Variants in UBE3C observed in about 807,000 individuals in gnomAD.
UBE3C encodes ubiquitin-protein ligase E3C.
A neutral mutation model predicts 129.4 loss-of-function variants in UBE3C; 42 were observed. That is an observed-to-expected ratio of 0.32 (90% CI 0.25 to 0.42). The LOEUF (loss-of-function observed/expected upper bound fraction) is 0.42. UBE3C is among the 10% of genes least tolerant of loss of function. The probability of loss-of-function intolerance (pLI) is 1.00; values close to 1 mark genes in which losing one functional copy is unlikely to be tolerated. For missense variants in UBE3C, 1,049 were observed against 1,319.1 expected (o/e 0.80, Z 3.17); for synonymous variants, 510 against 492.4 (o/e 1.04, Z -0.47).
intron 1 of UBE3C, among the ~76,000 whole-genome samples, chr7:157,159,926 A>C (rs1808022955): frequency 6.6e-6 from 1 of 152,212 alleles, no homozygotes; most frequent in Non-Finnish European, 1.5e-5. Flanking sequence ...AATAGAGCCT[A>C]ATCTTCCTCT....
chr7:157,252,072 G>A (rs571103244), intron 19 of UBE3C, among the ~76,000 whole-genome samples: 253 of 152,182 alleles, frequency 1.7e-3, no homozygotes, highest in Admixed American at 3.1e-3. Flanking sequence ...GATGGTGGAG[G>A]TTGCACTGAG....
chr7:157,219,991 G>T (rs976343007), intron 14 of UBE3C, among the ~76,000 whole-genome samples: 7 of 152,040 alleles, frequency 4.6e-5, no homozygotes, highest in African/African-American at 1.4e-4. Flanking sequence ...CAGGTGGCTT[G>T]CTTAAGCTCA....
chr7:157,192,397 G>GA, intron 10 of UBE3C: 1 of 702,208 alleles, frequency 1.4e-6, no homozygotes, highest in Middle Eastern at 4.0e-4. Flanking sequence ...CCCTTACGGG[G>GA]AAGACCATCA....
chr7:157,154,400 T>A (rs1807846339), intron 1 of UBE3C, among the ~76,000 whole-genome samples: 1 of 152,170 alleles, frequency 6.6e-6, no homozygotes, highest in Admixed American at 6.5e-5. Flanking sequence ...TTCCCACCAT[T>A]ATTTTCTCAG....
At chr7:157,235,796 C>G (rs1226988554) in intron 18 of UBE3C, among the ~76,000 whole-genome samples, 2 of 152,150 alleles carry the variant, frequency 1.3e-5, no homozygotes, top group Non-Finnish European at 2.9e-5. Flanking sequence ...TGTGGAAATT[C>G]CTAAGGGGTT....
At chr7:157,217,302 T>C (rs1410117398) in intron 14 of UBE3C, 2 of 171,096 alleles carry the variant, frequency 1.2e-5, no homozygotes, top group African/African-American at 4.8e-5. Flanking sequence ...AAGAGATAGA[T>C]CTTATACCTA....
rs77339024 is a variant in UBE3C at position 157,202,289 on chromosome 7, G to A, written c.1418+482G>A. Among the ~76,000 whole-genome samples, 1,229 of 152,250 alleles carry A rather than the reference G, an allele frequency of 8.1e-3. 12 individuals are homozygous for A. The highest frequency in any genetic ancestry group is 0.028 in the African/African-American group (1,178 of 41,524). On this transcript the variant is annotated intron_variant, in intron 11 of 22. Coordinates refer to ENST00000348165, the MANE Select transcript of UBE3C (RefSeq NM_014671.3). ...TTTTAACTGAGTATGTAATAGGTAG[G>A]AATTTCATACTTAAAATCCTTCATG... is the stretch of plus-strand genomic sequence containing the variant.
At chr7:157,153,129 C>G (rs1434968353) in intron 1 of UBE3C, among the ~76,000 whole-genome samples, 1 of 152,128 alleles carries the variant, frequency 6.6e-6, no homozygotes, top group Non-Finnish European at 1.5e-5. Flanking sequence ...CCCAGGGGAG[C>G]AGAGGTTGCA....
intron 1 of UBE3C, among the ~76,000 whole-genome samples, chr7:157,148,029 G>A (rs1306034322): frequency 6.6e-6 from 1 of 152,156 alleles, no homozygotes; most frequent in African/African-American, 2.4e-5. Flanking sequence ...TTTGGTATTA[G>A]GGTGATACTG....
intron 16 of UBE3C, among the ~76,000 whole-genome samples, chr7:157,224,811 CT>C (rs1795833811): frequency 6.6e-6 from 1 of 151,912 alleles, no homozygotes; most frequent in African/African-American, 2.4e-5. Flanking sequence ...CTCTCTCTCT[CT>C]CCCACTCACT....
In UBE3C at chr7:157,148,953, A is replaced by G. The variant is rs754023466; in HGVS notation, c.66+9615A>G. Among the ~76,000 whole-genome samples the G allele has an allele frequency of 2.6e-5, 4 of 152,198 alleles. No homozygotes were observed. The South Asian group carries it at 6.2e-4, about 24-fold the overall frequency. The stretch of plus-strand genomic sequence containing the variant: ...ATGTTAATTGACTGTCAGGACTGGT[A>G]TTATTTAGCAACACTGCATTTGTTC... On this transcript the variant is annotated intron_variant, in intron 1 of 22. Coordinates refer to ENST00000348165, the MANE Select transcript of UBE3C (RefSeq NM_014671.3).
rs768134875 is a variant in UBE3C, at chr7:157,178,675, T to C, written c.459-15T>C. On this transcript the variant is annotated splice_polypyrimidine_tract_variant and intron_variant, in intron 5 of 22. Coordinates refer to ENST00000348165, the MANE Select transcript of UBE3C (RefSeq NM_014671.3). Reference sequence around the variant, plus strand: ...CCATCCTGTAAGTGTGTGAATACTTTTTTCATTTTTACAGGTTGCTGCAAA... The same window carrying C: ...CCATCCTGTAAGTGTGTGAATACTTCTTTCATTTTTACAGGTTGCTGCAAA... 1.9e-6 allele frequency: 3 copies of C among 1,610,378 alleles called. No homozygotes were observed. Among genetic ancestry groups the C allele is most frequent in the Non-Finnish European group, 2.5e-6 (3 of 1,177,490 alleles).
At chr7:157,227,510 A>T (rs781690749) in intron 17 of UBE3C, among the ~76,000 whole-genome samples, 1 of 152,038 alleles carries the variant, frequency 6.6e-6, no homozygotes. Context: ...CAGCCTGGCC[A>T]GCATGGTGCA....
rs79848270 is a variant in UBE3C at position 157,210,808 on chromosome 7, A to G, written c.1809+2873A>G. ...TCAACACCGACCATTTTCATTTTTC[A>G]GTCCTATCATGGTCCTCCCAAAGTC... On this transcript the variant is annotated intron_variant, in intron 13 of 22. Coordinates refer to ENST00000348165, the MANE Select transcript of UBE3C (RefSeq NM_014671.3). Among the ~76,000 whole-genome samples, 180 of 152,306 alleles carry G rather than the reference A, an allele frequency of 1.2e-3. 1 individual carries two copies. The East Asian group carries it at 0.024, about 21-fold the overall frequency.
intron 13 of UBE3C, among the ~76,000 whole-genome samples, chr7:157,214,690 G>A (rs1462960414): frequency 6.6e-6 from 1 of 152,176 alleles, no homozygotes; most frequent in East Asian, 1.9e-4. Context: ...CTTTTAGAAG[G>A]GTGTGTGCTC....
intron 13 of UBE3C, among the ~76,000 whole-genome samples, chr7:157,208,417 G>C (rs1809500564): frequency 6.6e-6 from 1 of 151,926 alleles, no homozygotes; most frequent in South Asian, 2.1e-4. Flanking sequence ...TAGTACTTTT[G>C]ATTAATTAAG....
intron 18 of UBE3C, among the ~76,000 whole-genome samples, chr7:157,238,118 G>T (rs576738619): frequency 6.6e-6 from 1 of 152,304 alleles, no homozygotes; most frequent in South Asian, 2.1e-4. Flanking sequence ...TTTAGATTTA[G>T]ATTTAGCAAA....
At chr7:157,179,526 G>T (rs892636742) in intron 6 of UBE3C, among the ~76,000 whole-genome samples, 2 of 152,178 alleles carry the variant, frequency 1.3e-5, no homozygotes, top group African/African-American at 4.8e-5. Flanking sequence ...ATTTTATGAA[G>T]TGAGCAGTAT....
intron 18 of UBE3C, among the ~76,000 whole-genome samples, chr7:157,243,019 C>T (rs540701684): frequency 6.6e-6 from 1 of 152,028 alleles, no homozygotes; most frequent in Non-Finnish European, 1.5e-5. Context: ...TGTGCCACTG[C>T]TCTCCAGCCT....
Sources: gnomAD v4.1 joint callset for allele counts (sites outside exome capture counted in the v4.1 genomes callset) on GRCh38, gnomAD v4.1.1 for gene constraint, MANE v1.5 for transcripts, NCBI Gene and HGNC (gene_info 2026-07-23, HGNC 2026-07-21) for gene names.